ZNF69: variants seen among roughly 807,000 people sequenced by gnomAD.
ZNF69 encodes zinc finger protein 69, also known as ZNF3.
In ZNF69, 47 loss-of-function variants were observed where a neutral mutation model predicts 50.9. The ratio of observed to expected loss-of-function variants is 0.92; its 90% CI spans 0.73 to 1.18. The LOEUF (loss-of-function observed/expected upper bound fraction) is 1.18. Among genes scored for constraint, ZNF69 ranks in the 50% most tolerant of loss-of-function variants. The probability of loss-of-function intolerance (pLI) is 0.00; values close to 1 mark genes in which losing one functional copy is unlikely to be tolerated. For missense variants in ZNF69, 717 were observed against 675.1 expected (o/e 1.06, Z -0.69); for synonymous variants, 216 against 223.1 (o/e 0.97, Z 0.29).
chr19:11,905,854 G>C lies in ZNF69; in HGVS notation c.1457G>C (p.Gly486Ala), dbSNP rs573215147. Residue 486 changes from glycine to alanine, a missense_variant, in exon 4 of 4, where the codon GGC becomes GCC. By Grantham distance (60) the Gly-to-Ala change is moderately conservative. Coordinates refer to ENST00000429654, the MANE Select transcript of ZNF69 (RefSeq NM_001364730.1). ...RPYKCKLCGK[G>A]FYCPKSLQRH... Reference sequence around the variant, plus strand: ...TATAAATGTAAGCTATGTGGGAAAGGCTTTTATTGTCCCAAATCATTGCAA... The same window carrying C: ...TATAAATGTAAGCTATGTGGGAAAGCCTTTTATTGTCCCAAATCATTGCAA... 5.0e-6 allele frequency: 8 copies of C among 1,613,452 alleles called. No homozygotes were observed. The highest frequency in any genetic ancestry group is 6.8e-6 in the Non-Finnish European group (8 of 1,179,910).
chr19:11,968,710 T>C, the ZNF69 span, among the ~76,000 whole-genome samples: 2 of 152,070 alleles, frequency 1.3e-5, no homozygotes, highest in Admixed American at 6.6e-5. Flanking sequence ...GGGAAATTAG[T>C]GTACTATAGA....
intron 1 of ZNF69, among the ~76,000 whole-genome samples, chr19:11,899,760 G>C (rs947490727): frequency 6.6e-6 from 1 of 152,058 alleles, no homozygotes; most frequent in South Asian, 2.1e-4. Flanking sequence ...CAATATGTAG[G>C]AATGAGACTA....
At chr19:11,942,243 C>T in the ZNF69 span, among the ~76,000 whole-genome samples, 2 of 151,130 alleles carry the variant, frequency 1.3e-5, no homozygotes, top group Admixed American at 1.3e-4. Flanking sequence ...CTGGACTTCC[C>T]CTCCTGCTCT....
At chr19:11,953,836 A>C in the ZNF69 span, among the ~76,000 whole-genome samples, 1 of 152,252 alleles carries the variant, frequency 6.6e-6, no homozygotes, top group Non-Finnish European at 1.5e-5. Flanking sequence ...TGTAACAGAG[A>C]AAATGAAATG....
the ZNF69 span, chr19:11,978,166 G>A: frequency 1.9e-6 from 3 of 1,613,928 alleles, no homozygotes; most frequent in South Asian, 2.2e-5. Context: ...AGTCATTGTG[G>A]AGAAACTTTT....
At chr19:11,966,213 A>G in the ZNF69 span, among the ~76,000 whole-genome samples, 1 of 152,148 alleles carries the variant, frequency 6.6e-6, no homozygotes. Flanking sequence ...TTTTACATGA[A>G]TGTGCGTCAG....
the ZNF69 span, chr19:11,949,713 C>T: frequency 6.2e-7 from 1 of 1,613,986 alleles, no homozygotes. Context: ...GAGAGAAACC[C>T]TATGAGTGTA....
At chr19:11,954,950 T>G in the ZNF69 span, among the ~76,000 whole-genome samples, 1 of 151,912 alleles carries the variant, frequency 6.6e-6, no homozygotes, top group Non-Finnish European at 1.5e-5. Flanking sequence ...TAAAGACAGA[T>G]TTCAGAAAAA....
intron 1 of ZNF69, among the ~76,000 whole-genome samples, chr19:11,892,806 C>G (rs1315535802): frequency 2.6e-5 from 4 of 152,060 alleles, no homozygotes; most frequent in Non-Finnish European, 5.9e-5. Context: ...AGATAGAGAT[C>G]CACCAGCTTA....
At chr19:11,899,188 C>T (rs1039046531) in intron 1 of ZNF69, among the ~76,000 whole-genome samples, 1 of 152,188 alleles carries the variant, frequency 6.6e-6, no homozygotes, top group African/African-American at 2.4e-5. Context: ...CAGAATATCA[C>T]ATATTTGGAA....
rs765786538 is a variant in ZNF69, at chr19:11,905,190, A to G, written c.793A>G (p.Ile265Val). 1 of 1,614,104 alleles carries G rather than the reference A, an allele frequency of 6.2e-7. No homozygotes were observed. Among genetic ancestry groups the G allele is most frequent in the Non-Finnish European group, 8.5e-7 (1 of 1,180,018 alleles). ...KSFSYSATLR[I>V]HERTHTGEKP... Reference sequence around the variant, plus strand: ...CTTTAGTTATTCTGCTACCCTTCGAATACACGAAAGAACTCACACTGGAGA... The same window carrying G: ...CTTTAGTTATTCTGCTACCCTTCGAGTACACGAAAGAACTCACACTGGAGA... The change falls in exon 4 of 4, where the codon ATA (isoleucine) becomes GTA (valine). Residue 265 changes from isoleucine (I) to valine (V), a missense_variant. By Grantham distance (29) the Ile-to-Val change is conservative. Transcript: ENST00000429654.
chr19:11,971,077 G>A, the ZNF69 span, among the ~76,000 whole-genome samples: 3 of 152,166 alleles, frequency 2.0e-5, no homozygotes, highest in African/African-American at 7.2e-5. Flanking sequence ...TAGGGATATT[G>A]CTTCTCTATC....
chr19:11,949,361 A>G, the ZNF69 span: 2 of 1,613,856 alleles, frequency 1.2e-6, no homozygotes, highest in Admixed American at 1.7e-5. Context: ...GAGAAACCCT[A>G]TGAATGTAAG....
At chr19:11,965,846 G>A in the ZNF69 span, among the ~76,000 whole-genome samples, 1 of 152,160 alleles carries the variant, frequency 6.6e-6, no homozygotes, top group East Asian at 1.9e-4. Flanking sequence ...AGAGAGACAG[G>A]AATTGCAGGG....
At chr19:11,962,054 G>T in the ZNF69 span, among the ~76,000 whole-genome samples, 1 of 152,102 alleles carries the variant, frequency 6.6e-6, no homozygotes, top group African/African-American at 2.4e-5. Context: ...GGTCTCCAGC[G>T]ATCTATCTGC....
the ZNF69 span, among the ~76,000 whole-genome samples, chr19:11,973,317 C>G: frequency 3.3e-5 from 5 of 152,118 alleles, no homozygotes; most frequent in African/African-American, 7.2e-5. Context: ...TTCAGACTTG[C>G]TTCTTTCATG....
chr19:11,914,664 T>C (rs1265222038), downstream of ZNF69, among the ~76,000 whole-genome samples: 8 of 152,196 alleles, frequency 5.3e-5, no homozygotes, highest in Admixed American at 5.2e-4. Flanking sequence ...TTATATATTA[T>C]GCAACGGCTT....
chr19:11,893,939 G>A (rs940924552), intron 1 of ZNF69, among the ~76,000 whole-genome samples: 6 of 152,026 alleles, frequency 3.9e-5, no homozygotes, highest in African/African-American at 9.7e-5. Flanking sequence ...TGTCTCAACC[G>A]TGAAGGGAGA....
chr19:11,978,329 G>A, the ZNF69 span: 2 of 1,614,116 alleles, frequency 1.2e-6, no homozygotes, highest in Non-Finnish European at 1.7e-6. Flanking sequence ...AGGCATACGA[G>A]TATCAGGACT....
Sources: allele counts gnomAD v4.1 joint callset (sites outside exome capture counted in the v4.1 genomes callset), GRCh38; gene constraint gnomAD v4.1.1; transcripts MANE v1.5; gene names NCBI Gene and HGNC (gene_info 2026-07-23, HGNC 2026-07-21).